UTRN: variants seen among roughly 807,000 people sequenced by gnomAD.
UTRN encodes the protein dystrophin-related protein 1.
Under a neutral mutation model 463.9 loss-of-function variants are expected in UTRN, and 283 were observed. The observed-to-expected ratio is 0.61, with a 90% CI of 0.55 to 0.67. The LOEUF (loss-of-function observed/expected upper bound fraction) is 0.67, where lower values mean the gene tolerates loss of function less well. Ranked by LOEUF, UTRN falls within the 30% of genes least tolerant of loss-of-function variation. UTRN has a pLI of 0.00. For missense variants in UTRN, 3,922 were observed against 4,084.3 expected (o/e 0.96, Z 1.08); for synonymous variants, 1,442 against 1,431.5 (o/e 1.01, Z -0.17).
intron 51 of UTRN, among the ~76,000 whole-genome samples, chr6:144,592,373 AT>A (rs200823457): frequency 1.3e-4 from 19 of 149,364 alleles, no homozygotes; most frequent in Admixed American, 2.7e-4. Flanking sequence ...AAATTTTTAA[AT>A]TTTTTTTTTT....
Position 144,474,585 on chromosome 6 carries a change from G to T in UTRN, c.3181-19G>T, listed in dbSNP as rs937676893. The T allele has an allele frequency of 1.2e-6, 2 of 1,603,160 alleles. No homozygotes were observed. The highest frequency in any genetic ancestry group is 1.3e-5 in the African/African-American group (1 of 74,326). On this transcript the variant is annotated intron_variant, in intron 24 of 74. Coordinates refer to ENST00000367545, the MANE Select transcript of UTRN (RefSeq NM_007124.3). The stretch of plus-strand genomic sequence containing the variant: ...ACTTATATAGTAATGAACTCAACAT[G>T]CATCTTTTATGTGTTTAGGCATTTG...
Position 144,332,713 on chromosome 6 carries a change from A to G in UTRN, c.79+40806A>G, listed in dbSNP as rs60559108. Among the ~76,000 whole-genome samples, 1,356 of 152,232 alleles carry G rather than the reference A, an allele frequency of 8.9e-3. 86 individuals carry two copies. In the East Asian group the frequency reaches 0.17, roughly 19 times the overall value. Reference sequence around the variant, plus strand: ...ATCATTAAGTCAAACCGTTTTTAATAGTAATTTTGTAAAGTTATTTATGAC... The same window carrying G: ...ATCATTAAGTCAAACCGTTTTTAATGGTAATTTTGTAAAGTTATTTATGAC... On this transcript the variant is annotated intron_variant, in intron 2 of 74. Transcript: ENST00000367545.
At chr6:144,504,744 G>C (rs1794552693) in intron 34 of UTRN, among the ~76,000 whole-genome samples, 1 of 152,138 alleles carries the variant, frequency 6.6e-6, no homozygotes, top group South Asian at 2.1e-4. Context: ...TCTCTGCCAG[G>C]TTTTGTTATC....
At chr6:144,823,032 T>A (rs1428030183) in intron 66 of UTRN, among the ~76,000 whole-genome samples, 1 of 152,152 alleles carries the variant, frequency 6.6e-6, no homozygotes, top group Non-Finnish European at 1.5e-5. Flanking sequence ...TTGGTGTCAG[T>A]CATCCTATTC....
At chr6:144,572,402 T>C (rs1801025947) in intron 50 of UTRN, among the ~76,000 whole-genome samples, 1 of 152,142 alleles carries the variant, frequency 6.6e-6, no homozygotes, top group Admixed American at 6.6e-5. Context: ...AATTTTTACT[T>C]TAAGTTCTGG....
At chr6:144,488,160 A>G (rs369343202) in intron 29 of UTRN, among the ~76,000 whole-genome samples, 5 of 152,242 alleles carry the variant, frequency 3.3e-5, no homozygotes, top group Non-Finnish European at 4.4e-5. Context: ...TTCCAAACAC[A>G]TATTAAATAA....
intron 3 of UTRN, among the ~76,000 whole-genome samples, chr6:144,418,396 T>G (rs1292212693): frequency 7.6e-6 from 1 of 130,794 alleles, no homozygotes; most frequent in Non-Finnish European, 1.7e-5. Flanking sequence ...TTTTTTTTTT[T>G]GTATTTTTAG....
intron 63 of UTRN, among the ~76,000 whole-genome samples, chr6:144,795,927 T>C (rs1456884304): frequency 6.6e-6 from 1 of 152,180 alleles, no homozygotes; most frequent in African/African-American, 2.4e-5. Context: ...TTAGATCCCA[T>C]TTGTCAATTT....
At chr6:144,326,306 GTT>G (rs887254864) in intron 2 of UTRN, among the ~76,000 whole-genome samples, 2 of 144,654 alleles carry the variant, frequency 1.4e-5, no homozygotes, top group East Asian at 2.0e-4. Context: ...TGGTCCCTTA[GTT>G]TTTTTTTTTT....
intron 51 of UTRN, among the ~76,000 whole-genome samples, chr6:144,641,279 C>T (rs913979946): frequency 6.6e-6 from 1 of 152,010 alleles, no homozygotes; most frequent in Non-Finnish European, 1.5e-5. Flanking sequence ...AATGGAGGGA[C>T]GGGTGCTTCC....
chr6:144,296,193 G>A (rs1804678089), intron 2 of UTRN, among the ~76,000 whole-genome samples: 1 of 152,198 alleles, frequency 6.6e-6, no homozygotes, highest in Admixed American at 6.5e-5. Context: ...AGGTGGCACA[G>A]CAGGAGGTGA....
intron 51 of UTRN, among the ~76,000 whole-genome samples, chr6:144,672,616 G>T (rs968199518): frequency 1.3e-5 from 2 of 151,908 alleles, no homozygotes; most frequent in Admixed American, 6.6e-5. Context: ...CAAAGAACCA[G>T]CTCTTTGTTT....
chr6:144,657,110 C>T (rs1157312483), intron 51 of UTRN, among the ~76,000 whole-genome samples: 3 of 152,018 alleles, frequency 2.0e-5, no homozygotes, highest in Non-Finnish European at 2.9e-5. Context: ...ATTAGCCAGG[C>T]GTGGTGGCGC....
At chr6:144,610,070 G>A (rs1263899052) in intron 51 of UTRN, among the ~76,000 whole-genome samples, 3 of 134,058 alleles carry the variant, frequency 2.2e-5, no homozygotes, top group African/African-American at 5.6e-5. Context: ...AGGAAGGAAA[G>A]AACAAAGATC....
intron 53 of UTRN, among the ~76,000 whole-genome samples, chr6:144,705,099 A>C (rs948661796): frequency 2.6e-5 from 4 of 152,204 alleles, no homozygotes; most frequent in African/African-American, 9.6e-5. Context: ...TCTGTAATGT[A>C]GATAATCTAC....
chr6:144,642,761 C>T (rs1002635407), intron 51 of UTRN, among the ~76,000 whole-genome samples: 3 of 151,836 alleles, frequency 2.0e-5, no homozygotes, highest in African/African-American at 7.3e-5. Context: ...TATAGTCTTC[C>T]CTAGAATTGG....
At chr6:144,435,302 A>G (rs893115560) in intron 9 of UTRN, among the ~76,000 whole-genome samples, 53 of 152,342 alleles carry the variant, frequency 3.5e-4, no homozygotes, top group African/African-American at 1.2e-3. Flanking sequence ...TAAAGTATAT[A>G]TGGAAATACT....
intron 65 of UTRN, among the ~76,000 whole-genome samples, chr6:144,806,425 C>CAT (rs1414384520): frequency 3.9e-5 from 6 of 152,168 alleles, no homozygotes; most frequent in Non-Finnish European, 7.4e-5. Flanking sequence ...CAACAGCCTA[C>CAT]TTATAAATCA....
chr6:144,493,545 T>C (rs1793270020), intron 33 of UTRN, 89 bp downstream of exon 33: 2 of 1,402,650 alleles, frequency 1.4e-6, no homozygotes, highest in Admixed American at 2.8e-5. Flanking sequence ...CTCATGTATT[T>C]TTAAATTTCA....
Sources: gnomAD v4.1 joint callset for allele counts (sites outside exome capture counted in the v4.1 genomes callset) on GRCh38, gnomAD v4.1.1 for gene constraint, MANE v1.5 for transcripts, NCBI Gene and HGNC (gene_info 2026-07-23, HGNC 2026-07-21) for gene names.